HPSE2: variants seen among roughly 807,000 people sequenced by gnomAD.
HPSE2 encodes inactive heparanase-2.
In HPSE2, 38 loss-of-function variants were observed where a neutral mutation model predicts 60.5. That is an observed-to-expected ratio of 0.63 (90% CI 0.48 to 0.82). HPSE2 has a LOEUF of 0.82. HPSE2 is among the 40% of genes least tolerant of loss of function. The pLI is 0.00. For missense variants in HPSE2, 713 were observed against 740.4 expected (o/e 0.96, Z 0.43); for synonymous variants, 295 against 293.2 (o/e 1.01, Z -0.06).
rs563730489 is a variant in HPSE2, at chr10:98,484,605, T to G, written c.1467-1823A>C. ...AAGAGCAGTCTTTTGTCTGCAAAAT[T>G]TCCCCCAGTTTTCTTTGACCGTTTC... is the stretch of plus-strand genomic sequence containing the variant. On this transcript the variant is annotated intron_variant, in intron 10 of 11. Coordinates refer to ENST00000370552, the MANE Select transcript of HPSE2 (RefSeq NM_021828.5). Among the ~76,000 whole-genome samples the G allele has an allele frequency of 2.6e-5, 4 of 152,366 alleles. No individual in the cohort carries two copies. In the South Asian group the frequency reaches 8.3e-4, roughly 32 times the overall value.
chr10:98,742,196 G>A (rs1949513837), intron 4 of HPSE2, among the ~76,000 whole-genome samples: 1 of 152,058 alleles, frequency 6.6e-6, no homozygotes, highest in Admixed American at 6.6e-5. Flanking sequence ...AACTCAACAG[G>A]TCTCCATTTG....
chr10:98,553,653 G>A (rs754274461), intron 9 of HPSE2, among the ~76,000 whole-genome samples: 2 of 152,106 alleles, frequency 1.3e-5, no homozygotes, highest in Non-Finnish European at 2.9e-5. Context: ...CTGCTCAAGC[G>A]CTAATATCAC....
intron 3 of HPSE2, among the ~76,000 whole-genome samples, chr10:98,994,111 C>G (rs535036011): frequency 3.9e-5 from 6 of 152,302 alleles, no homozygotes; most frequent in African/African-American, 1.4e-4. Flanking sequence ...TCTTAATTCA[C>G]CATTTTCTTG....
intron 3 of HPSE2, among the ~76,000 whole-genome samples, chr10:99,120,610 AT>A: frequency 6.6e-6 from 1 of 152,094 alleles, no homozygotes; most frequent in South Asian, 2.1e-4. Flanking sequence ...AGTAGCTGGG[AT>A]TACAGGCATG....
chr10:99,029,258 T>C (rs917436977), intron 3 of HPSE2, among the ~76,000 whole-genome samples: 4 of 152,106 alleles, frequency 2.6e-5, no homozygotes, highest in African/African-American at 9.7e-5. Context: ...AACCAGAAGA[T>C]ATAAGGAGCT....
intron 3 of HPSE2, among the ~76,000 whole-genome samples, chr10:98,843,811 T>G (rs1951973667): frequency 6.6e-6 from 1 of 152,210 alleles, no homozygotes; most frequent in African/African-American, 2.4e-5. Flanking sequence ...TTCCAAAGCT[T>G]CCAAATGATG....
At chr10:99,043,724 A>G (rs918335085) in intron 3 of HPSE2, among the ~76,000 whole-genome samples, 1 of 152,194 alleles carries the variant, frequency 6.6e-6, no homozygotes, top group African/African-American at 2.4e-5. Context: ...TTGTAATACA[A>G]TCAGAAGCAT....
At chr10:99,153,936 C>T (rs1051463835) in intron 2 of HPSE2, among the ~76,000 whole-genome samples, 4 of 151,838 alleles carry the variant, frequency 2.6e-5, no homozygotes, top group African/African-American at 9.7e-5. Flanking sequence ...AACCAAGGCT[C>T]GAGAACTACG....
chr10:98,862,839 G>A (rs1241330514), intron 3 of HPSE2, among the ~76,000 whole-genome samples: 8 of 152,082 alleles, frequency 5.3e-5, no homozygotes, highest in East Asian at 3.9e-4. Flanking sequence ...ATAGCTCACC[G>A]TAACCTTGAA....
chr10:98,971,254 A>G (rs977442968), intron 3 of HPSE2, among the ~76,000 whole-genome samples: 10 of 152,214 alleles, frequency 6.6e-5, no homozygotes, highest in African/African-American at 1.9e-4. Context: ...GAATTTGTAG[A>G]GGAATTGTGG....
the HPSE2 span, among the ~76,000 whole-genome samples, chr10:99,248,150 C>T: frequency 2.0e-5 from 3 of 152,096 alleles, no homozygotes; most frequent in African/African-American, 7.2e-5. Flanking sequence ...GGATAATGGG[C>T]AGAGGTTGGA....
At chr10:98,687,291 G>T (rs1947942408) in intron 6 of HPSE2, among the ~76,000 whole-genome samples, 1 of 152,072 alleles carries the variant, frequency 6.6e-6, no homozygotes, top group Non-Finnish European at 1.5e-5. Flanking sequence ...GCCTTTTCTG[G>T]CTTCTATGGG....
chr10:98,503,620 C>T (rs1366172405), intron 9 of HPSE2, among the ~76,000 whole-genome samples: 1 of 152,152 alleles, frequency 6.6e-6, no homozygotes, highest in African/African-American at 2.4e-5. Context: ...AACCCAAATG[C>T]CCACCAATCA....
At chr10:98,880,137 A>T (rs527718559) in intron 3 of HPSE2, among the ~76,000 whole-genome samples, 4 of 152,098 alleles carry the variant, frequency 2.6e-5, no homozygotes, top group African/African-American at 9.6e-5. Flanking sequence ...TGTGATTTTA[A>T]TTAGGGATTT....
At chr10:98,832,457 A>G (rs1446887759) in intron 3 of HPSE2, among the ~76,000 whole-genome samples, 1 of 152,198 alleles carries the variant, frequency 6.6e-6, no homozygotes, top group Non-Finnish European at 1.5e-5. Flanking sequence ...TTCTAGGTTC[A>G]AGTGAAAGCT....
chr10:98,744,355 C>T (rs1228121626), intron 3 of HPSE2, among the ~76,000 whole-genome samples: 1 of 151,926 alleles, frequency 6.6e-6, no homozygotes, highest in African/African-American at 2.4e-5. Context: ...TGGAGAAACC[C>T]CATCTCTACT....
intron 3 of HPSE2, among the ~76,000 whole-genome samples, chr10:98,982,638 T>C (rs1399415772): frequency 6.6e-6 from 1 of 152,064 alleles, no homozygotes. Flanking sequence ...ATAAAGTTAA[T>C]TTTGACAAAG....
At chr10:99,034,289 G>A (rs544458989) in intron 3 of HPSE2, among the ~76,000 whole-genome samples, 12 of 152,104 alleles carry the variant, frequency 7.9e-5, no homozygotes, top group Admixed American at 2.6e-4. Flanking sequence ...TTTATATGAC[G>A]TTGGAAAAAG....
At chr10:98,926,554 T>C (rs1242390070) in intron 3 of HPSE2, among the ~76,000 whole-genome samples, 1 of 152,160 alleles carries the variant, frequency 6.6e-6, no homozygotes, top group Non-Finnish European at 1.5e-5. Context: ...CCTTAAACTG[T>C]CACCAACCTG....
Sources: gnomAD v4.1 joint callset for allele counts (sites outside exome capture counted in the v4.1 genomes callset) on GRCh38, gnomAD v4.1.1 for gene constraint, MANE v1.5 for transcripts, NCBI Gene and HGNC (gene_info 2026-07-23, HGNC 2026-07-21) for gene names.